Variants in PAMR1 observed in about 807,000 individuals in gnomAD.
PAMR1 encodes peptidase domain containing associated with muscle regeneration 1.
In PAMR1, 88 loss-of-function variants were observed where a neutral mutation model predicts 81.8. That is an observed-to-expected ratio of 1.08 (90% CI 0.91 to 1.28). The LOEUF (loss-of-function observed/expected upper bound fraction) is 1.28, where lower values mean the gene tolerates loss of function less well. Among genes scored for constraint, PAMR1 ranks in the 50% most tolerant of loss-of-function variants. The probability of loss-of-function intolerance (pLI) is 0.00; values close to 1 mark genes in which losing one functional copy is unlikely to be tolerated. For missense variants in PAMR1, 935 were observed against 919.7 expected (o/e 1.02, Z -0.21); for synonymous variants, 336 against 345.3 (o/e 0.97, Z 0.30).
intron 3 of PAMR1, among the ~76,000 whole-genome samples, chr11:35,484,425 A>G (rs1850461329): frequency 6.6e-6 from 1 of 152,220 alleles, no homozygotes; most frequent in East Asian, 1.9e-4. Flanking sequence ...GGCAGCTTTC[A>G]GTAACTCCAC....
intron 6 of PAMR1, chr11:35,453,488 C>T (rs764989045): frequency 3.4e-5 from 5 of 148,260 alleles, no homozygotes; most frequent in African/African-American, 9.9e-5. Context: ...TCCCTTACCT[C>T]TCATTTATTT....
chr11:35,446,904 CT>C (rs1856304706), intron 6 of PAMR1, among the ~76,000 whole-genome samples: 1 of 152,060 alleles, frequency 6.6e-6, no homozygotes, highest in Non-Finnish European at 1.5e-5. Flanking sequence ...AATTTTCTGT[CT>C]TGATGATCTA....
rs116736599 is a variant in PAMR1, at chr11:35,487,605, G to T, written c.379+4440C>A. ...ATATGCTTTAAGCTTAACACCAGCT[G>T]GTGCCTTTTCTTGTTCCTCAAGTGG... On this transcript the variant is annotated intron_variant, in intron 3 of 10. Transcript: ENST00000619888. Among the ~76,000 whole-genome samples the T allele has an allele frequency of 8.4e-3, 1,281 of 152,306 alleles. 20 individuals carry two copies. Among genetic ancestry groups the T allele is most frequent in the African/African-American group, 0.029 (1,213 of 41,568 alleles).
At chr11:35,434,825 T>C (rs1555030114) in intron 9 of PAMR1, 21 bp from the exon 10 acceptor site, 1 of 1,605,002 alleles carries the variant, frequency 6.2e-7, no homozygotes. Context: ...AGTACCAGCT[T>C]AGTAAGATAA....
chr11:35,484,824 G>A (rs1208971508), intron 3 of PAMR1, among the ~76,000 whole-genome samples: 2 of 152,136 alleles, frequency 1.3e-5, no homozygotes, highest in African/African-American at 4.8e-5. Flanking sequence ...GTCGCTCTTG[G>A]GCCCTCCTGC....
intron 4 of PAMR1, among the ~76,000 whole-genome samples, chr11:35,474,124 G>A (rs541238215): frequency 2.6e-5 from 4 of 152,278 alleles, no homozygotes; most frequent in African/African-American, 4.8e-5. Flanking sequence ...CAACATTTGC[G>A]AAGGCCCTAA....
At chr11:35,498,794 G>A (rs552800400) in intron 1 of PAMR1, among the ~76,000 whole-genome samples, 45 of 152,088 alleles carry the variant, frequency 3.0e-4, no homozygotes, top group South Asian at 1.0e-3. Flanking sequence ...CAAGGCCTCC[G>A]TCTCAGGCCT....
intron 6 of PAMR1, among the ~76,000 whole-genome samples, chr11:35,457,743 A>C (rs189168549): frequency 6.6e-6 from 1 of 152,164 alleles, no homozygotes; most frequent in African/African-American, 2.4e-5. Context: ...ATTATTATAA[A>C]TGAGAAAGGA....
upstream of PAMR1, chr11:35,525,774 A>G: frequency 1.7e-6 from 1 of 605,842 alleles, no homozygotes; most frequent in Non-Finnish European, 2.9e-6. Context: ...GTCAGCCCAA[A>G]CCTCTCCTCT....
At chr11:35,464,988 A>G (rs2135372141) in intron 6 of PAMR1, among the ~76,000 whole-genome samples, 1 of 152,350 alleles carries the variant, frequency 6.6e-6, no homozygotes. Flanking sequence ...AGGACTCGCT[A>G]ATGGGACATG....
chr11:35,464,915 A>G (rs910963209), intron 6 of PAMR1, among the ~76,000 whole-genome samples: 7 of 152,220 alleles, frequency 4.6e-5, no homozygotes, highest in Non-Finnish European at 1.0e-4. Context: ...GAGTCTGTAC[A>G]TCGGAATTCT....
At chr11:35,482,473 G>A (rs969991364) in intron 3 of PAMR1, among the ~76,000 whole-genome samples, 2 of 152,150 alleles carry the variant, frequency 1.3e-5, no homozygotes, top group African/African-American at 2.4e-5. Context: ...GTAGTATGAT[G>A]CCTCCAGCTT....
chr11:35,459,765 A>C (rs1311392924), intron 6 of PAMR1, among the ~76,000 whole-genome samples: 1 of 152,226 alleles, frequency 6.6e-6, no homozygotes, highest in Admixed American at 6.5e-5. Flanking sequence ...ACTGCATGGC[A>C]TGTAACATTC....
At chr11:35,486,417 C>T (rs1850509001) in intron 3 of PAMR1, among the ~76,000 whole-genome samples, 1 of 152,240 alleles carries the variant, frequency 6.6e-6, no homozygotes, top group Admixed American at 6.5e-5. Flanking sequence ...ATGTCAGAGA[C>T]CATGCCCGTC....
At chr11:35,461,175 T>C (rs1156749995) in intron 6 of PAMR1, among the ~76,000 whole-genome samples, 1 of 152,182 alleles carries the variant, frequency 6.6e-6, no homozygotes, top group African/African-American at 2.4e-5. Context: ...CCATGTTAAG[T>C]CCTGTCTCAG....
chr11:35,467,904 C>T (rs1392700447), intron 6 of PAMR1, 97 bp downstream of exon 6: 5 of 714,542 alleles, frequency 7.0e-6, no homozygotes, highest in Non-Finnish European at 7.4e-6. Context: ...GACAGAGCAT[C>T]CTAGACATGA....
At chr11:35,504,906 T>C (rs1162723321) in intron 1 of PAMR1, among the ~76,000 whole-genome samples, 1 of 118,108 alleles carries the variant, frequency 8.5e-6, no homozygotes, top group Non-Finnish European at 1.8e-5. Flanking sequence ...CTACTTACTT[T>C]GGGTTTTTTT....
chr11:35,455,635 G>A (rs1856512939), intron 6 of PAMR1, among the ~76,000 whole-genome samples: 1 of 152,162 alleles, frequency 6.6e-6, no homozygotes, highest in Non-Finnish European at 1.5e-5. Context: ...TTCAAGCACT[G>A]CTTTGCCTTT....
rs533296489 is a variant in PAMR1, at chr11:35,481,040, C to T, written c.380-6296G>A. Among the ~76,000 whole-genome samples the T allele has an allele frequency of 4.6e-5, 7 of 152,238 alleles. No homozygotes were observed. The East Asian group carries it at 1.4e-3, about 29-fold the overall frequency. On this transcript the variant is annotated intron_variant, in intron 3 of 10. Coordinates refer to ENST00000619888, the MANE Select transcript of PAMR1 (RefSeq NM_001001991.3). ...CCCTGCAAAGGACATGATCTCATTC[C>T]TTTTTATGGCTACATAATATTCCAT...
Sources: gnomAD v4.1 joint callset for allele counts (sites outside exome capture counted in the v4.1 genomes callset) on GRCh38, gnomAD v4.1.1 for gene constraint, MANE v1.5 for transcripts, NCBI Gene and HGNC (gene_info 2026-07-23, HGNC 2026-07-21) for gene names.